The following ENOX1 variants were observed in gnomAD, a reference collection of about 807,000 sequenced individuals.
The protein encoded by ENOX1 is ecto-NOX disulfide-thiol exchanger 1.
Under a neutral mutation model 82.5 loss-of-function variants are expected in ENOX1, and 42 were observed. The observed-to-expected ratio is 0.51, with a 90% confidence interval of 0.40 to 0.66. The LOEUF is 0.66. Ranked by LOEUF, ENOX1 falls within the 30% of genes least tolerant of loss-of-function variation. The probability of loss-of-function intolerance (pLI) is 0.00; values close to 1 mark genes in which losing one functional copy is unlikely to be tolerated. For missense variants in ENOX1, 608 were observed against 811.6 expected, an observed-to-expected ratio of 0.75 and a Z score of 3.05; for synonymous variants, 271 against 282.2, an observed-to-expected ratio of 0.96 and a Z score of 0.40.
intron 2 of ENOX1, among the ~76,000 whole-genome samples, chr13:43,641,275 A>G (rs1371361011): frequency 2.0e-5 from 3 of 152,062 alleles, no homozygotes; most frequent in Non-Finnish European, 4.4e-5. Context: ...GGGTTCAGAG[A>G]GGTGACCCAA....
At chr13:43,504,787 T>G (rs1350804565) in intron 2 of ENOX1, among the ~76,000 whole-genome samples, 1 of 151,524 alleles carries the variant, frequency 6.6e-6, no homozygotes. Context: ...AAATTTGCAG[T>G]GACATTATTT....
At chr13:43,592,308 A>T (rs1197787136) in intron 2 of ENOX1, among the ~76,000 whole-genome samples, 1 of 152,248 alleles carries the variant, frequency 6.6e-6, no homozygotes, top group East Asian at 1.9e-4. Context: ...CTCAGTCCTT[A>T]TAAGCATAAC....
At chr13:43,589,209 A>G (rs1001254494) in intron 2 of ENOX1, among the ~76,000 whole-genome samples, 27 of 112,176 alleles carry the variant, frequency 2.4e-4, no homozygotes, top group African/African-American at 8.4e-4. Flanking sequence ...AGCTTTGGAC[A>G]TTAATGGAAA....
intron 2 of ENOX1, among the ~76,000 whole-genome samples, chr13:43,646,264 C>G (rs1248686689): frequency 1.3e-5 from 2 of 152,214 alleles, no homozygotes; most frequent in African/African-American, 2.4e-5. Flanking sequence ...ATGAATCAGG[C>G]AGGCTAACTT....
chr13:43,317,439 A>C (rs1041231847), intron 11 of ENOX1, among the ~76,000 whole-genome samples: 2 of 152,232 alleles, frequency 1.3e-5, no homozygotes, highest in Non-Finnish European at 2.9e-5. Context: ...ATTTTTAAGG[A>C]TCTTTCAGAA....
At chr13:43,653,085 T>G (rs1447459422) in intron 2 of ENOX1, among the ~76,000 whole-genome samples, 3 of 152,200 alleles carry the variant, frequency 2.0e-5, no homozygotes, top group African/African-American at 4.8e-5. Flanking sequence ...TATCCTGCCC[T>G]CAGTTGCGCA....
chr13:43,437,330 G>GC (rs1475439521), intron 3 of ENOX1, among the ~76,000 whole-genome samples: 4 of 152,186 alleles, frequency 2.6e-5, no homozygotes, highest in African/African-American at 9.7e-5. Context: ...CCCAGAGCTA[G>GC]CATCAGACAT....
At chr13:43,721,233 C>T (rs2088553386) in intron 1 of ENOX1, among the ~76,000 whole-genome samples, 3 of 151,980 alleles carry the variant, frequency 2.0e-5, no homozygotes, top group African/African-American at 7.2e-5. Flanking sequence ...ACCAGTATTG[C>T]ACAATATACA....
chr13:43,724,265 T>C (rs2153819253), intron 1 of ENOX1, among the ~76,000 whole-genome samples: 1 of 152,306 alleles, frequency 6.6e-6, no homozygotes, highest in African/African-American at 2.4e-5. Flanking sequence ...AGGTACCACA[T>C]GTTTCTACAC....
chr13:43,298,542 A>C lies in ENOX1; in HGVS notation c.1262-12T>G, dbSNP rs1421172720. 1 of 1,603,502 alleles carries C rather than the reference A, an allele frequency of 6.2e-7. No homozygotes were observed. The highest frequency in any genetic ancestry group is 8.5e-7 in the Non-Finnish European group (1 of 1,175,818). ...CTGGGCAGCCAGGGCTGAGGGACAAACAGAACGAGTTCAGGTGAGCTACCT... is the reference window on the plus strand; with the variant it reads ...CTGGGCAGCCAGGGCTGAGGGACAACCAGAACGAGTTCAGGTGAGCTACCT... On this transcript the variant is annotated splice_polypyrimidine_tract_variant and intron_variant, in intron 11 of 16. Transcript: ENST00000690772.
chr13:43,589,216 G>GAAAAA (rs58912569), intron 2 of ENOX1, among the ~76,000 whole-genome samples: 11 of 79,770 alleles, frequency 1.4e-4, no homozygotes, highest in African/African-American at 2.1e-4. Flanking sequence ...GACATTAATG[G>GAAAAA]AAAAAAAAAA....
intron 12 of ENOX1, among the ~76,000 whole-genome samples, chr13:43,270,735 T>C (rs1401922247): frequency 6.6e-6 from 1 of 152,218 alleles, no homozygotes; most frequent in Non-Finnish European, 1.5e-5. Context: ...GCACTGGGTA[T>C]AAATGTAAGA....
intron 12 of ENOX1, among the ~76,000 whole-genome samples, chr13:43,280,994 G>C (rs2045345053): frequency 6.6e-6 from 1 of 152,114 alleles, no homozygotes; most frequent in South Asian, 2.1e-4. Context: ...CAACATTTTA[G>C]GAATGTCAGA....
chr13:43,513,726 TATA>T (rs2077457865), intron 2 of ENOX1, among the ~76,000 whole-genome samples: 1 of 152,144 alleles, frequency 6.6e-6, no homozygotes, highest in Non-Finnish European at 1.5e-5. Context: ...TGAGATTTAT[TATA>T]ATGAGGACAA....
intron 1 of ENOX1, among the ~76,000 whole-genome samples, chr13:43,691,309 A>G (rs17461079): frequency 0.035 from 5,250 of 149,362 alleles, 145 homozygotes; most frequent in Non-Finnish European, 0.056. Flanking sequence ...GGTGCCCATC[A>G]CTCCTTACTT....
intron 1 of ENOX1, among the ~76,000 whole-genome samples, chr13:43,727,248 C>T (rs754868727): frequency 1.3e-5 from 2 of 152,136 alleles, no homozygotes; most frequent in African/African-American, 4.8e-5. Flanking sequence ...AATTCCTTAA[C>T]ACATGTTAAA....
At chr13:43,417,891 A>C (rs2054722281) in intron 3 of ENOX1, among the ~76,000 whole-genome samples, 1 of 152,102 alleles carries the variant, frequency 6.6e-6, no homozygotes, top group Non-Finnish European at 1.5e-5. Context: ...ACAATATTTC[A>C]TTTTCCACCA....
intron 1 of ENOX1, among the ~76,000 whole-genome samples, chr13:43,708,895 A>T (rs1490853520): frequency 6.6e-6 from 1 of 152,214 alleles, no homozygotes; most frequent in Non-Finnish European, 1.5e-5. Context: ...TCTGCTCTTC[A>T]AAGGACATCA....
chr13:43,402,129 G>T (rs993530413), intron 5 of ENOX1, among the ~76,000 whole-genome samples: 1 of 152,000 alleles, frequency 6.6e-6, no homozygotes, highest in Non-Finnish European at 1.5e-5. Context: ...CACTAAAACA[G>T]CTATTATAAA....
Sources: allele counts gnomAD v4.1 joint callset (sites outside exome capture counted in the v4.1 genomes callset), GRCh38; gene constraint gnomAD v4.1.1; transcripts MANE v1.5; gene names NCBI Gene and HGNC (gene_info 2026-07-23, HGNC 2026-07-21).